The following ARL16 variants were observed in gnomAD, a reference collection of about 807,000 sequenced individuals.
ARL16 encodes the protein ARF like GTPase 16.
ARL16 carries 21 observed loss-of-function variants against 14.1 expected under a neutral mutation model. The observed-to-expected ratio is 1.48, with a 90% CI of 1.05 to 2.14. The LOEUF (loss-of-function observed/expected upper bound fraction) is 2.14. Ranked by LOEUF, ARL16 falls within the 30% of genes most tolerant of loss-of-function variation. ARL16 has a pLI of 0.00. For missense variants in ARL16, 248 were observed against 222.0 expected (o/e 1.12, Z -0.74); for synonymous variants, 122 against 91.8 (o/e 1.33, Z -1.88).
Position 81,681,624 on chromosome 17 carries a change from G to A in ARL16, c.*84C>T. On this transcript the variant is annotated 3_prime_UTR_variant, in exon 5 of 5. Transcript: ENST00000622299. The stretch of plus-strand genomic sequence containing the variant: ...GGTTACTTTGGGTTATTCTGCCCCT[G>A]TGAGAAGAAACTATTGGCAGCAAAG... 1 of 1,436,048 alleles carries A rather than the reference G, an allele frequency of 7.0e-7. No individual in the cohort carries two copies. Among genetic ancestry groups the A allele is most frequent in the South Asian group, 1.4e-5 (1 of 70,498 alleles). The allele number at this position is 1,436,048 out of a possible 1,614,324, so 89.0% of individuals were successfully genotyped here.
intron 2 of ARL16, 32 bp from the exon 3 acceptor site, chr17:81,683,158 A>C: frequency 6.4e-7 from 1 of 1,574,558 alleles, no homozygotes; most frequent in Non-Finnish European, 8.7e-7. Flanking sequence ...AAAAAGAACA[A>C]TACAACCGCT....
rs1374460369 is a variant in ARL16 at position 81,683,694 on chromosome 17, C to T, written c.60G>A (p.Gln20=). Residue 20 remains glutamine (Q), a splice_region_variant and synonymous_variant, in exon 1 of 5, where the codon CAG becomes CAA. Transcript: ENST00000622299. ...VGKTLLVKRL[Q]EVSSRDGKGD... ...TCCCGTCCCCGCGCGGAAGGATATCCTGCAGCCGTTTCACCAGCAGCGTCT... is the reference window on the plus strand; with the variant it reads ...TCCCGTCCCCGCGCGGAAGGATATCTTGCAGCCGTTTCACCAGCAGCGTCT... 1 of 1,604,498 alleles carries T rather than the reference C, an allele frequency of 6.2e-7. No individual in the cohort carries two copies. The highest frequency in any genetic ancestry group is 8.5e-7 in the Non-Finnish European group (1 of 1,176,660).
Position 81,683,758 on chromosome 17 carries a change from T to C in ARL16, c.-5A>G. The stretch of plus-strand genomic sequence containing the variant: ...GGCCCCCAGCAGGAGACACATTCCG[T>C]GCTTCGCTCCACCCGGCACCCGTAG... On this transcript the variant is annotated 5_prime_UTR_variant, in exon 1 of 5. Transcript: ENST00000622299. 6.2e-7 allele frequency: 1 copy of C among 1,607,758 alleles called. No individual in the cohort carries two copies. Among genetic ancestry groups the C allele is most frequent in the Non-Finnish European group, 8.5e-7 (1 of 1,179,244 alleles).
intron 3 of ARL16, 88 bp from the exon 4 acceptor site, chr17:81,682,237 C>G (rs2036862739): frequency 1.1e-6 from 1 of 930,136 alleles, no homozygotes; most frequent in East Asian, 2.9e-5. Context: ...GAGAGCAAAA[C>G]TGCATTTTTT....
At chr17:81,683,338 G>A (rs1350572329) in intron 2 of ARL16, 198 bp downstream of exon 2, 8 of 859,176 alleles carry the variant, frequency 9.3e-6, no homozygotes, top group Non-Finnish European at 1.4e-5. Flanking sequence ...GAGGGGAGAG[G>A]AAGTGCCCGT....
In ARL16 at chr17:81,683,540, G is replaced by T. The variant is rs2036901301; in HGVS notation, c.116C>A (p.Pro39His). The change falls in exon 2 of 5, where the codon CCC becomes CAC. Residue 39 changes from proline (P) to histidine (H), a missense_variant. By Grantham distance (77) the Pro-to-His change is moderately conservative. Coordinates refer to ENST00000622299, the MANE Select transcript of ARL16 (RefSeq NM_001040025.3). ...GDLGEPPPTRPTVGTNLTDIV... is the reference protein window; with the variant it reads ...GDLGEPPPTRHTVGTNLTDIV... ...CCCGCGGGGGCGGACACCTACCGTG[G>T]GCCGTGTCGGGGGCGGCTCCCCCAG... 1.3e-6 allele frequency: 2 copies of T among 1,593,294 alleles called. No homozygotes were observed. Among genetic ancestry groups the T allele is most frequent in the Non-Finnish European group, 1.7e-6 (2 of 1,172,104 alleles).
chr17:81,683,464 G>T, intron 2 of ARL16, 72 bp downstream of exon 2: 1 of 1,452,542 alleles, frequency 6.9e-7, no homozygotes, highest in Non-Finnish European at 9.1e-7. Context: ...CGTGCACTTA[G>T]AGGAGCCCGG....
At position 81,681,313 on chromosome 17, in the gene ARL16, T is replaced by G; in HGVS notation, c.*395A>C. ...ACCTCCCAGGTTCAAGGGATTCTCC[T>G]GTCTCAGCCTCCCAAGTAGCTGAGA... On this transcript the variant is annotated 3_prime_UTR_variant, in exon 5 of 5. Transcript: ENST00000622299. 1 of 162,062 alleles carries G rather than the reference T, an allele frequency of 6.2e-6. No homozygotes were observed. The highest frequency in any genetic ancestry group is 1.9e-4 in the East Asian group (1 of 5,346). The allele number at this position is 162,062 out of a possible 1,614,324, so 10.0% of individuals were successfully genotyped here.
Position 81,682,463 on chromosome 17 carries a change from C to T in ARL16, c.235-314G>A, listed in dbSNP as rs2036867364. On this transcript the variant is annotated intron_variant, in intron 3 of 4. Coordinates refer to ENST00000622299, the MANE Select transcript of ARL16 (RefSeq NM_001040025.3). ...TTCACCATGTTAGTCAGGATGGTCT[C>T]CATCTCCTGACCTCGTGATTCGCCC... 7 of 205,608 alleles carry T rather than the reference C, an allele frequency of 3.4e-5. No homozygotes were observed. The South Asian group carries it at 4.6e-4, about 14-fold the overall frequency. 12.7% of individuals were successfully genotyped at this position (205,608 alleles called of 1,614,324 possible). A position where few individuals can be genotyped will look rare whatever the true frequency, so the allele number is the denominator to read the frequency against.
intron 2 of ARL16, 65 bp from the exon 3 acceptor site, chr17:81,683,191 A>G: frequency 7.0e-7 from 1 of 1,433,648 alleles, no homozygotes; most frequent in Non-Finnish European, 9.6e-7. Context: ...ACTCCTGAAG[A>G]GCACCGTGCC....
intron 1 of ARL16, 44 bp from the exon 2 acceptor site, chr17:81,683,638 C>T: frequency 6.3e-7 from 1 of 1,585,904 alleles, no homozygotes; most frequent in East Asian, 2.3e-5. Context: ...GGTGAGTCCC[C>T]GCCCCACTCC....
rs1182686943 is a variant in ARL16, at chr17:81,682,153, G to A, written c.235-4C>T. On this transcript the variant is annotated splice_region_variant and splice_polypyrimidine_tract_variant and intron_variant, in intron 3 of 4. Coordinates refer to ENST00000622299, the MANE Select transcript of ARL16 (RefSeq NM_001040025.3). Reference sequence around the variant, plus strand: ...GGTCAGAGGCGTCCATCACAAACTGGGGAAAAAGAAAAAGACAGCAGCAAT... The same window carrying A: ...GGTCAGAGGCGTCCATCACAAACTGAGGAAAAAGAAAAAGACAGCAGCAAT... 2.5e-6 allele frequency: 4 copies of A among 1,591,390 alleles called. No individual in the cohort carries two copies. The Admixed American group carries it at 7.2e-5, about 29-fold the overall frequency.
intron 3 of ARL16, chr17:81,682,445 T>C: frequency 4.4e-6 from 1 of 229,170 alleles, no homozygotes; most frequent in Non-Finnish European, 8.7e-6. Context: ...GGTTTCACCA[T>C]GTTAGTCAGG....
chr17:81,683,360 G>A (rs192738139), intron 2 of ARL16, 176 bp downstream of exon 2: 3 of 954,696 alleles, frequency 3.1e-6, no homozygotes, highest in Non-Finnish European at 4.5e-6. Context: ...GAGGGCGGCA[G>A]GCCCCCTCAT....
intron 3 of ARL16, 199 bp downstream of exon 3, chr17:81,682,814 C>T: frequency 8.5e-6 from 5 of 590,146 alleles, no homozygotes; most frequent in Non-Finnish European, 1.2e-5. Flanking sequence ...GAGCTCCTAC[C>T]GGGGGCCTGG....
chr17:81,682,962 G>T, intron 3 of ARL16, 51 bp downstream of exon 3: 1 of 1,524,446 alleles, frequency 6.6e-7, no homozygotes, highest in Non-Finnish European at 9.1e-7. Flanking sequence ...GGACGTCACA[G>T]AAATGTAGAC....
At position 81,681,607 on chromosome 17, in the gene ARL16, TG is replaced by T. The variant is rs2036845287; in HGVS notation, c.*100del. The stretch of plus-strand genomic sequence containing the variant: ...AGAGCCCCATCATGTAGGGTTACTT[TG>T]GGTTATTCTGCCCCTGTGAGAAGAA... On this transcript the variant is annotated 3_prime_UTR_variant, in exon 5 of 5. Coordinates refer to ENST00000622299, the MANE Select transcript of ARL16 (RefSeq NM_001040025.3). 1.2e-5 allele frequency: 16 copies of T among 1,321,808 alleles called. No individual in the cohort carries two copies. Among genetic ancestry groups the T allele is most frequent in the Middle Eastern group, 2.7e-4 (1 of 3,664 alleles). 81.9% of individuals were successfully genotyped at this position (1,321,808 alleles called of 1,614,324 possible).
At position 81,682,030 on chromosome 17, in the gene ARL16, G is replaced by C. The variant is rs2036855597; in HGVS notation, c.350+4C>G. On this transcript the variant is annotated splice_donor_region_variant and intron_variant, in intron 4 of 4. Transcript: ENST00000622299. ...GTGCTCCCTCTCAGCTCAGGGACGC[G>C]TACATTTTATTGAAGAGTATCAGCA... is the stretch of plus-strand genomic sequence containing the variant. The C allele has an allele frequency of 6.2e-7, 1 of 1,604,338 alleles. No individual in the cohort carries two copies. Among genetic ancestry groups the C allele is most frequent in the Non-Finnish European group, 8.5e-7 (1 of 1,174,574 alleles).
At position 81,682,899 on chromosome 17, in the gene ARL16, T is replaced by C. The variant is rs552089617; in HGVS notation, c.234+114A>G. 8.6e-6 allele frequency: 8 copies of C among 933,484 alleles called. No homozygotes were observed. In the African/African-American group the frequency reaches 1.2e-4, roughly 13 times the overall value. 57.8% of individuals were successfully genotyped at this position (933,484 alleles called of 1,614,324 possible). A position where few individuals can be genotyped will look rare whatever the true frequency, so the allele number is the denominator to read the frequency against. On this transcript the variant is annotated intron_variant, in intron 3 of 4. Transcript: ENST00000622299. Reference sequence around the variant, plus strand: ...AGCTAAGACCTATTTCCATGAGTAGTATAGTCACTAAATAACCCAAACCCC... The same window carrying C: ...AGCTAAGACCTATTTCCATGAGTAGCATAGTCACTAAATAACCCAAACCCC...
Sources: gnomAD v4.1 joint callset for allele counts on GRCh38, gnomAD v4.1.1 for gene constraint, MANE v1.5 for transcripts, NCBI Gene and HGNC (gene_info 2026-07-23, HGNC 2026-07-21) for gene names.